RIMKLA: variants seen among roughly 807,000 people sequenced by gnomAD.
The protein encoded by RIMKLA is N-acetylaspartylglutamate synthase A.
A neutral mutation model predicts 32.7 loss-of-function variants in RIMKLA; 14 were observed. The ratio of observed to expected loss-of-function variants is 0.43; its 90% CI spans 0.28 to 0.67. The LOEUF is 0.67. Ranked by LOEUF, RIMKLA falls within the 30% of genes least tolerant of loss-of-function variation. RIMKLA has a pLI of 0.18. For synonymous variants in RIMKLA, 176 were observed against 204.1 expected (o/e 0.86, Z 1.18); for missense variants, 410 against 519.0 (o/e 0.79, Z 2.04).
intron 1 of RIMKLA, among the ~76,000 whole-genome samples, chr1:42,383,920 G>A (rs1306982636): frequency 6.6e-6 from 1 of 152,198 alleles, no homozygotes; most frequent in Non-Finnish European, 1.5e-5. Flanking sequence ...GAGTTATATT[G>A]AGGCTAGACA....
chr1:42,387,744 G>A (rs1052407815), intron 1 of RIMKLA, among the ~76,000 whole-genome samples: 4 of 152,040 alleles, frequency 2.6e-5, no homozygotes, highest in African/African-American at 9.7e-5. Flanking sequence ...ATAAAGTACT[G>A]TTTCTAGGCA....
intron 3 of RIMKLA, among the ~76,000 whole-genome samples, chr1:42,406,861 C>T (rs956399269): frequency 1.3e-5 from 2 of 150,326 alleles, no homozygotes; most frequent in Non-Finnish European, 3.0e-5. Context: ...CCTTTGCCCA[C>T]TTTTTAACTG....
intron 1 of RIMKLA, among the ~76,000 whole-genome samples, chr1:42,386,019 T>C (rs1642943449): frequency 6.6e-6 from 1 of 151,370 alleles, no homozygotes; most frequent in African/African-American, 2.4e-5. Context: ...CCTCCCGGGT[T>C]CGTGCAGTTC....
intron 3 of RIMKLA, among the ~76,000 whole-genome samples, chr1:42,406,243 T>A (rs1643146658): frequency 6.6e-6 from 1 of 152,210 alleles, no homozygotes; most frequent in South Asian, 2.1e-4. Flanking sequence ...ATAAAAAATT[T>A]AACAGTGCAA....
At chr1:42,382,915 A>G (rs1642901416) in intron 1 of RIMKLA, among the ~76,000 whole-genome samples, 1 of 151,956 alleles carries the variant, frequency 6.6e-6, no homozygotes, top group Non-Finnish European at 1.5e-5. Context: ...CTGGAATGCA[A>G]TGGCGCCATC....
At chr1:42,413,754 A>C (rs1643222225) in intron 4 of RIMKLA, among the ~76,000 whole-genome samples, 1 of 150,858 alleles carries the variant, frequency 6.6e-6, no homozygotes, top group Admixed American at 6.6e-5. Context: ...TGTTTTTGGA[A>C]CAGGGTTTTA....
intron 3 of RIMKLA, among the ~76,000 whole-genome samples, chr1:42,406,139 C>T (rs560680731): frequency 6.6e-6 from 1 of 152,254 alleles, no homozygotes; most frequent in Non-Finnish European, 1.5e-5. Context: ...AGTTCCTGCC[C>T]TCGAGTAGCT....
At chr1:42,411,351 G>A (rs949816075) in intron 4 of RIMKLA, among the ~76,000 whole-genome samples, 3 of 147,904 alleles carry the variant, frequency 2.0e-5, no homozygotes, top group Admixed American at 1.3e-4. Context: ...AAAAAAAAAA[G>A]AGAGATAATT....
In RIMKLA at chr1:42,419,566, A is replaced by C. The variant is rs963242782; in HGVS notation, c.*4592A>C. ...TTGGCATACTGCCAGAGGTAGCTCC[A>C]TCCCTCCCTGGAATCTAGCACATGC... On this transcript the variant is annotated 3_prime_UTR_variant, in exon 5 of 5. Coordinates refer to ENST00000431473, the MANE Select transcript of RIMKLA (RefSeq NM_173642.4). 2.6e-5 allele frequency: 4 copies of C among 152,260 alleles called. No individual in the cohort carries two copies. Among genetic ancestry groups the C allele is most frequent in the African/African-American group, 9.7e-5 (4 of 41,448 alleles). The allele number at this position is 152,260 out of a possible 1,614,324, so 9.4% of individuals were successfully genotyped here.
chr1:42,392,926 G>C lies in RIMKLA; in HGVS notation c.164-6478G>C, dbSNP rs189964568. The stretch of plus-strand genomic sequence containing the variant: ...AGAATCACTTGAGCCCGGGAGGCAG[G>C]GGTTGCAGTGAGCCGAGATCGCGCC... On this transcript the variant is annotated intron_variant, in intron 1 of 4. Coordinates refer to ENST00000431473, the MANE Select transcript of RIMKLA (RefSeq NM_173642.4). Among the ~76,000 whole-genome samples, 92 of 152,192 alleles carry C rather than the reference G, an allele frequency of 6.0e-4. 1 individual carries two copies. Among genetic ancestry groups the C allele is most frequent in the Non-Finnish European group, 8.8e-5 (6 of 68,004 alleles).
intron 1 of RIMKLA, among the ~76,000 whole-genome samples, chr1:42,385,891 T>TTCTTTCC (rs1642941403): frequency 1.7e-4 from 13 of 77,132 alleles, no homozygotes; most frequent in African/African-American, 3.5e-4. Flanking sequence ...TCTTTCTTTC[T>TTCTTTCC]TTCTTTCCTT....
rs1230500317 is a variant in RIMKLA, at chr1:42,422,219, T to C, written c.*7245T>C. On this transcript the variant is annotated 3_prime_UTR_variant, in exon 5 of 5. Coordinates refer to ENST00000431473, the MANE Select transcript of RIMKLA (RefSeq NM_173642.4). ...CCTAGTGTAATGTGCACAAGTGGCA[T>C]GAAGTTTAACACCTAAAAGACTGCT... 6 of 152,382 alleles carry C rather than the reference T, an allele frequency of 3.9e-5. No homozygotes were observed. The highest frequency in any genetic ancestry group is 9.6e-5 in the African/African-American group (4 of 41,596). The allele number at this position is 152,382 out of a possible 1,614,324, so 9.4% of individuals were successfully genotyped here. A position where few individuals can be genotyped will look rare whatever the true frequency, so the allele number is the denominator to read the frequency against.
chr1:42,390,084 C>T (rs2148385357), intron 1 of RIMKLA, among the ~76,000 whole-genome samples: 1 of 134,450 alleles, frequency 7.4e-6, no homozygotes. Context: ...GTCATCCAGG[C>T]TGGAATGCAG....
chr1:42,386,111 TG>T (rs1642944285), intron 1 of RIMKLA, among the ~76,000 whole-genome samples: 1 of 151,518 alleles, frequency 6.6e-6, no homozygotes, highest in Non-Finnish European at 1.5e-5. Flanking sequence ...TTAGTAGAGA[TG>T]GGGTTTCACC....
At chr1:42,391,015 G>C (rs1055406096) in intron 1 of RIMKLA, among the ~76,000 whole-genome samples, 16 of 152,264 alleles carry the variant, frequency 1.1e-4, no homozygotes, top group East Asian at 3.9e-4. Flanking sequence ...TGGTACCCGT[G>C]GATGGTAGCT....
intron 1 of RIMKLA, among the ~76,000 whole-genome samples, chr1:42,398,840 G>A (rs1162446182): frequency 1.3e-5 from 2 of 151,956 alleles, no homozygotes; most frequent in African/African-American, 2.4e-5. Flanking sequence ...GGTGGTGCAC[G>A]CCTGTAGTTC....
chr1:42,391,067 A>G (rs1642996299), intron 1 of RIMKLA, among the ~76,000 whole-genome samples: 1 of 152,188 alleles, frequency 6.6e-6, no homozygotes, highest in Non-Finnish European at 1.5e-5. Context: ...GAATAGTACT[A>G]GAAGAAGCAA....
intron 2 of RIMKLA, among the ~76,000 whole-genome samples, chr1:42,400,896 G>A (rs1448348017): frequency 6.6e-6 from 1 of 151,952 alleles, no homozygotes; most frequent in Non-Finnish European, 1.5e-5. Context: ...AAGAAAAGAG[G>A]GCTGATCTGT....
intron 1 of RIMKLA, among the ~76,000 whole-genome samples, chr1:42,393,578 A>G (rs1643017306): frequency 6.6e-6 from 1 of 152,184 alleles, no homozygotes; most frequent in South Asian, 2.1e-4. Context: ...CATTGTCACA[A>G]AGAACTTTAA....
Sources: allele counts gnomAD v4.1 joint callset (sites outside exome capture counted in the v4.1 genomes callset), GRCh38; gene constraint gnomAD v4.1.1; transcripts MANE v1.5; gene names NCBI Gene and HGNC (gene_info 2026-07-23, HGNC 2026-07-21).